PIWIL3: variants seen among roughly 807,000 people sequenced by gnomAD.
PIWIL3 encodes piwi-like protein 3.
Under a neutral mutation model 109.7 loss-of-function variants are expected in PIWIL3, and 101 were observed. The ratio of observed to expected loss-of-function variants is 0.92; its 90% CI spans 0.78 to 1.09. PIWIL3 has a LOEUF of 1.09. Ranked by LOEUF, PIWIL3 falls within the 50% of genes least tolerant of loss-of-function variation. PIWIL3 has a pLI of 0.00. For missense variants in PIWIL3, 1,031 were observed against 1,072.6 expected, an observed-to-expected ratio of 0.96 and a Z score of 0.54; for synonymous variants, 373 against 376.4, an observed-to-expected ratio of 0.99 and a Z score of 0.10.
chr22:24,731,924 T>C (rs1923374869), intron 14 of PIWIL3, among the ~76,000 whole-genome samples: 2 of 152,218 alleles, frequency 1.3e-5, no homozygotes, highest in South Asian at 4.1e-4. Flanking sequence ...CTGCCTTATG[T>C]ATCCCAACTC....
intron 9 of PIWIL3, among the ~76,000 whole-genome samples, chr22:24,750,331 A>G (rs1333967636): frequency 6.6e-6 from 1 of 152,168 alleles, no homozygotes; most frequent in African/African-American, 2.4e-5. Flanking sequence ...CACAGTGAAC[A>G]CTCAGATTGA....
chr22:24,762,596 G>T (rs1925504412), intron 1 of PIWIL3, 75 bp from the exon 2 acceptor site: 1 of 1,186,396 alleles, frequency 8.4e-7, no homozygotes, highest in Non-Finnish European at 1.2e-6. Context: ...TGCTACAACA[G>T]AATATCTGAG....
chr22:24,734,366 A>C (rs1348242946), intron 13 of PIWIL3, among the ~76,000 whole-genome samples: 1 of 152,218 alleles, frequency 6.6e-6, no homozygotes, highest in African/African-American at 2.4e-5. Flanking sequence ...CCCTAACAGC[A>C]AGTCAAAAGC....
Position 24,756,546 on chromosome 22 carries a change from T to C in PIWIL3, c.515A>G (p.Glu172Gly). Residue 172 changes from glutamate (E) to glycine (G), a missense_variant, in exon 5 of 21, where the codon GAG (glutamate) becomes GGG (glycine). Transcript: ENST00000616349. ...AGAGTTTCCATCAAATATATGGCGC[T>C]CTCCAAATTTCCTTCTATGTTGATC... ...LLDQHRRKFG[E>G]RHIFDGNSLL... The C allele has an allele frequency of 6.2e-7, 1 of 1,614,162 alleles. No homozygotes were observed. Among genetic ancestry groups the C allele is most frequent in the Non-Finnish European group, 8.5e-7 (1 of 1,180,008 alleles).
chr22:24,756,619 C>T lies in PIWIL3; in HGVS notation c.442G>A (p.Asp148Asn). Residue 148 changes from aspartate (D) to asparagine (N), a missense_variant, in exon 5 of 21, where the codon GAC becomes AAC. Asp to Asn is a conservative substitution (Grantham distance 23). Transcript: ENST00000616349. The part of the protein sequence containing the change: ...PQWVAYKYNV[D>N]YKPDIEDGNL... ...CCATCTTCTATGTCTGGTTTGTAGT[C>T]AACGTTGTATTTATATGCAACCCAC... is the stretch of plus-strand genomic sequence containing the variant. 6.2e-7 allele frequency: 1 copy of T among 1,614,006 alleles called. No individual in the cohort carries two copies. Among genetic ancestry groups the T allele is most frequent in the Non-Finnish European group, 8.5e-7 (1 of 1,179,920 alleles).
At position 24,728,358 on chromosome 22, in the gene PIWIL3, G is replaced by A. The variant is rs760078235; in HGVS notation, c.1724C>T (p.Pro575Leu). The stretch of plus-strand genomic sequence containing the variant: ...GTCATATCTACGTTTGTCATCATTG[G>A]GCAGGATACAAATCACCTTGAAAAC... ...PTLQMVICIL[P>L]NDDKRRYDSI... The change falls in exon 15 of 21, where the codon CCC (proline) becomes CTC (leucine). Residue 575 changes from proline (P) to leucine (L), a missense_variant. By Grantham distance (98) the Pro-to-Leu change is moderately conservative (BLOSUM62 -3). Transcript: ENST00000616349. 1.4e-5 allele frequency: 23 copies of A among 1,613,892 alleles called. No individual in the cohort carries two copies. The highest frequency in any genetic ancestry group is 1.9e-5 in the Non-Finnish European group (22 of 1,180,012).
chr22:24,767,565 G>C (rs1925874225), intron 1 of PIWIL3, among the ~76,000 whole-genome samples: 1 of 150,616 alleles, frequency 6.6e-6, no homozygotes, highest in Admixed American at 6.6e-5. Context: ...AAAAAAAAAG[G>C]GCAAAGAGAA....
At chr22:24,744,566 C>T (rs986970446) in intron 12 of PIWIL3, among the ~76,000 whole-genome samples, 1 of 152,194 alleles carries the variant, frequency 6.6e-6, no homozygotes, top group African/African-American at 2.4e-5. Flanking sequence ...GAGCAAGACT[C>T]TGTCTCAAAA....
At chr22:24,736,420 C>T (rs1447826661) in intron 12 of PIWIL3, among the ~76,000 whole-genome samples, 1 of 152,198 alleles carries the variant, frequency 6.6e-6, no homozygotes, top group East Asian at 1.9e-4. Flanking sequence ...TAGACTCAGA[C>T]TGCCTCCTCA....
intron 2 of PIWIL3, chr22:24,761,949 G>A (rs116952774): frequency 0.03 from 29,476 of 986,416 alleles, 503 homozygotes; most frequent in Non-Finnish European, 0.033. Context: ...GCCCCGCAGC[G>A]CCACTATGGA....
chr22:24,742,709 G>A (rs1924084464), intron 12 of PIWIL3, among the ~76,000 whole-genome samples: 1 of 152,196 alleles, frequency 6.6e-6, no homozygotes, highest in South Asian at 2.1e-4. Flanking sequence ...GTAGCAGAAA[G>A]AAACTGGATC....
intron 7 of PIWIL3, 128 bp downstream of exon 7, chr22:24,754,656 G>A (rs1189821436): frequency 1.4e-6 from 1 of 696,212 alleles, no homozygotes; most frequent in Non-Finnish European, 2.5e-6. Context: ...AATTGTTCAT[G>A]GTCAGTGGAT....
intron 1 of PIWIL3, among the ~76,000 whole-genome samples, chr22:24,766,332 G>T (rs5751976): frequency 0.33 from 49,405 of 151,006 alleles, 8,374 homozygotes; most frequent in East Asian, 0.55. Flanking sequence ...TTTTGTTTTT[G>T]TTTTGAGACA....
At chr22:24,749,841 A>T in intron 9 of PIWIL3, 22 bp from the exon 10 acceptor site, 2 of 1,613,994 alleles carry the variant, frequency 1.2e-6, no homozygotes, top group Non-Finnish European at 1.7e-6. Flanking sequence ...ACAAGAGACC[A>T]GCATGACCAT....
intron 12 of PIWIL3, among the ~76,000 whole-genome samples, chr22:24,736,591 C>T (rs5760614): frequency 0.42 from 63,495 of 152,054 alleles, 14,414 homozygotes; most frequent in East Asian, 0.69. Context: ...AGTTTGACAA[C>T]TATTTGTACA....
intron 12 of PIWIL3, 136 bp downstream of exon 12, chr22:24,748,771 T>C (rs1924521417): frequency 1.6e-6 from 1 of 632,204 alleles, no homozygotes; most frequent in African/African-American, 1.9e-5. Flanking sequence ...TGTTTCTTAT[T>C]GGCTCAATAT....
chr22:24,748,190 C>T (rs1417726969), intron 12 of PIWIL3, among the ~76,000 whole-genome samples: 1 of 152,100 alleles, frequency 6.6e-6, no homozygotes, highest in Non-Finnish European at 1.5e-5. Flanking sequence ...GAAAAATGAG[C>T]TTTACATGTT....
At chr22:24,723,756 C>A (rs1042422723) in intron 18 of PIWIL3, among the ~76,000 whole-genome samples, 22 of 151,892 alleles carry the variant, frequency 1.4e-4, no homozygotes, top group African/African-American at 4.8e-4. Context: ...CTCACTGCAA[C>A]CTCCCTCTCC....
intron 4 of PIWIL3, among the ~76,000 whole-genome samples, chr22:24,757,703 C>T (rs1316132695): frequency 3.8e-5 from 3 of 78,138 alleles, no homozygotes; most frequent in African/African-American, 1.4e-4. Flanking sequence ...CACACACATT[C>T]GGGCATGGTG....
Sources: allele counts gnomAD v4.1 joint callset (sites outside exome capture counted in the v4.1 genomes callset), GRCh38; gene constraint gnomAD v4.1.1; transcripts MANE v1.5; gene names NCBI Gene and HGNC (gene_info 2026-07-23, HGNC 2026-07-21).